The following ADI1 variants were observed in gnomAD, a reference collection of about 807,000 sequenced individuals.
The protein encoded by ADI1 is acireductone dioxygenase 1, also known as acireductone dioxygenase.
ADI1 carries 21 observed loss-of-function variants against 18.7 expected under a neutral mutation model. The ratio of observed to expected loss-of-function variants is 1.13; its 90% confidence interval spans 0.80 to 1.62. ADI1 has a LOEUF of 1.62. ADI1 is among the 40% of genes most tolerant of loss of function. The probability of loss-of-function intolerance (pLI) is 0.00; values close to 1 mark genes in which losing one functional copy is unlikely to be tolerated. For missense variants in ADI1, 245 were observed against 254.9 expected (o/e 0.96, Z 0.26); for synonymous variants, 90 against 100.1 (o/e 0.90, Z 0.60).
rs116539699 is a variant in ADI1 at position 3,504,592 on chromosome 2, G to A, written c.241-3599C>T. On this transcript the variant is annotated intron_variant, in intron 2 of 3. Transcript: ENST00000327435. ...TGACATAGAGAAAAGGAACTCACAC[G>A]ACAGATCTATTTTTGAACAATTTCC... Among the ~76,000 whole-genome samples the A allele has an allele frequency of 1.0e-3, 154 of 152,298 alleles. 1 individual carries two copies. The highest frequency in any genetic ancestry group is 3.5e-3 in the African/African-American group (147 of 41,550).
At chr2:3,500,757 G>T in intron 3 of ADI1, 57 bp downstream of exon 3, 1 of 1,609,704 alleles carries the variant, frequency 6.2e-7, no homozygotes, top group Middle Eastern at 1.7e-4. Context: ...CGGCAGAGAT[G>T]CCACGGCCAG....
chr2:3,500,667 C>A (rs1291267019), intron 3 of ADI1, 147 bp downstream of exon 3: 2 of 1,097,222 alleles, frequency 1.8e-6, no homozygotes, highest in African/African-American at 3.1e-5. Flanking sequence ...TGCGGCTCCA[C>A]AGACTCTCCT....
chr2:3,502,001 C>CCACACACA (rs70938947), intron 2 of ADI1, among the ~76,000 whole-genome samples: 25 of 105,042 alleles, frequency 2.4e-4, no homozygotes, highest in South Asian at 1.9e-3. Context: ...ACCTCCCGCT[C>CCACACACA]CACACACACA....
chr2:3,515,926 A>G (rs1194512817), intron 1 of ADI1: 1 of 985,334 alleles, frequency 1.0e-6, no homozygotes, highest in African/African-American at 1.7e-5. Flanking sequence ...AGTACTAGTC[A>G]TCAATACGTT....
intron 1 of ADI1, 45 bp downstream of exon 1, chr2:3,519,323 G>A: frequency 7.4e-7 from 1 of 1,348,274 alleles, no homozygotes; most frequent in South Asian, 1.8e-5. Context: ...CGGCGTTTGG[G>A]GGTCGGCGTC....
intron 3 of ADI1, among the ~76,000 whole-genome samples, chr2:3,499,614 C>G (rs1666948498): frequency 6.6e-6 from 1 of 152,106 alleles, no homozygotes; most frequent in South Asian, 2.1e-4. Flanking sequence ...TTATTACAGC[C>G]CTGTTCACAA....
At chr2:3,510,933 G>T (rs892150457) in intron 2 of ADI1, among the ~76,000 whole-genome samples, 1 of 152,248 alleles carries the variant, frequency 6.6e-6, no homozygotes, top group Non-Finnish European at 1.5e-5. Flanking sequence ...CATTTTATGA[G>T]ATCAGAATTA....
chr2:3,498,850 A>T lies in ADI1; in HGVS notation c.*113T>A, dbSNP rs1666923018. On this transcript the variant is annotated 3_prime_UTR_variant, in exon 4 of 4. Coordinates refer to ENST00000327435, the MANE Select transcript of ADI1 (RefSeq NM_018269.4). The stretch of plus-strand genomic sequence containing the variant: ...GATCAAATAATCTTACAAAGGAAAG[A>T]TAATCTAGCCTCAAGGCTATCCTCT... The T allele has an allele frequency of 6.9e-7, 1 of 1,444,776 alleles. No homozygotes were observed. Among genetic ancestry groups the T allele is most frequent in the Admixed American group, 2.3e-5 (1 of 43,594 alleles). 89.5% of individuals were successfully genotyped at this position (1,444,776 alleles called of 1,614,324 possible).
In ADI1 at chr2:3,503,501, A is replaced by G. The variant is rs962886494; in HGVS notation, c.241-2508T>C. Among the ~76,000 whole-genome samples the G allele has an allele frequency of 2.3e-5, 3 of 131,602 alleles. 1 individual carries two copies. Among genetic ancestry groups the G allele is most frequent in the South Asian group, 2.3e-4 (1 of 4,258 alleles). 86.3% of individuals were successfully genotyped at this position (131,602 alleles called of 152,430 possible). On this transcript the variant is annotated intron_variant, in intron 2 of 3. Transcript: ENST00000327435. ...TTCACACTCATGCACACGTACACAC[A>G]CACGCCTACATTCACACACTCACAT... is the stretch of plus-strand genomic sequence containing the variant.
chr2:3,500,752 G>A, intron 3 of ADI1, 62 bp downstream of exon 3: 1 of 1,608,616 alleles, frequency 6.2e-7, no homozygotes, highest in Non-Finnish European at 8.5e-7. Flanking sequence ...TTCAGCGGCA[G>A]AGATGCCACG....
rs530295992 is a variant in ADI1, at chr2:3,504,567, T to C, written c.241-3574A>G. Among the ~76,000 whole-genome samples, 15 of 152,358 alleles carry C rather than the reference T, an allele frequency of 9.8e-5. No homozygotes were observed. In the South Asian group the frequency reaches 3.1e-3, roughly 32 times the overall value. ...TGGACTCTAACCAGGAAGAATCATT[T>C]GACATAGAGAAAAGGAACTCACACG... On this transcript the variant is annotated intron_variant, in intron 2 of 3. Coordinates refer to ENST00000327435, the MANE Select transcript of ADI1 (RefSeq NM_018269.4).
In ADI1 at chr2:3,519,380, C is replaced by A; in HGVS notation, c.108G>T (p.Val36=). The A allele has an allele frequency of 7.0e-7, 1 of 1,428,702 alleles. No individual in the cohort carries two copies. The highest frequency in any genetic ancestry group is 9.1e-7 in the Non-Finnish European group (1 of 1,098,620). 88.5% of individuals were successfully genotyped at this position (1,428,702 alleles called of 1,614,324 possible). A position where few individuals can be genotyped will look rare whatever the true frequency, so the allele number is the denominator to read the frequency against. The part of the protein sequence containing the change: ...VGLEQLRRLG[V]LYWKLDADKY... ...TGGGCTCGCGTACCTTCCAGTAGAG[C>A]ACCCCGAGCCGCCGCAGCTGCTCCA... Residue 36 remains valine, a synonymous_variant, in exon 1 of 4, where the codon GTG becomes GTT. Coordinates refer to ENST00000327435, the MANE Select transcript of ADI1 (RefSeq NM_018269.4).
At position 3,519,436 on chromosome 2, in the gene ADI1, GGGGTTGCCGC is replaced by G. The variant is rs768174612; in HGVS notation, c.42_51del (p.Arg15ThrfsTer35). On this transcript the variant is annotated frameshift_variant, in exon 1 of 4. Coordinates refer to ENST00000327435, the MANE Select transcript of ADI1 (RefSeq NM_018269.4). LOFTEE classifies it high-confidence loss of function. ...ACTGGGCGGCCGGGGTCGGGGCGGTGGGGTTGCCGCGGGTCGCCCGGGGCGTCGTCCATAT... is the reference window on the plus strand; with the variant it reads ...ACTGGGCGGCCGGGGTCGGGGCGGTGGGGTCGCCCGGGGCGTCGTCCATAT... 3.7e-6 allele frequency: 5 copies of G among 1,369,114 alleles called. No individual in the cohort carries two copies. Among genetic ancestry groups the G allele is most frequent in the Non-Finnish European group, 4.7e-6 (5 of 1,067,950 alleles). 84.8% of individuals were successfully genotyped at this position (1,369,114 alleles called of 1,614,324 possible). A position where few individuals can be genotyped will look rare whatever the true frequency, so the allele number is the denominator to read the frequency against.
At position 3,497,818 on chromosome 2, in the gene ADI1, AG is replaced by A. The variant is rs1666900858; in HGVS notation, c.*1144del. On this transcript the variant is annotated 3_prime_UTR_variant, in exon 4 of 4. Transcript: ENST00000327435. ...AGGGAAAAGTTATATGAAGCAAGAAAGGCAATTTAAAGCGATAGTTTATCAT... is the reference window on the plus strand; with the variant it reads ...AGGGAAAAGTTATATGAAGCAAGAAAGCAATTTAAAGCGATAGTTTATCAT... 1 of 152,280 alleles carries A rather than the reference AG, an allele frequency of 6.6e-6. No homozygotes were observed. The highest frequency in any genetic ancestry group is 1.5e-5 in the Non-Finnish European group (1 of 68,050). The allele number at this position is 152,280 out of a possible 1,614,324, so 9.4% of individuals were successfully genotyped here.
intron 1 of ADI1, chr2:3,514,914 C>G: frequency 6.5e-7 from 1 of 1,530,514 alleles, no homozygotes; most frequent in South Asian, 1.2e-5. Flanking sequence ...GGACATCTAT[C>G]AGTTCTCAAA....
rs1250579316 is a variant in ADI1, at chr2:3,502,517, A to G, written c.241-1524T>C. ...GCCCAGGCTGGAGTGCAATGGCGCGATCTCGGCTCACTTCAACCTCCGCCT... is the reference window on the plus strand; with the variant it reads ...GCCCAGGCTGGAGTGCAATGGCGCGGTCTCGGCTCACTTCAACCTCCGCCT... On this transcript the variant is annotated intron_variant, in intron 2 of 3. Coordinates refer to ENST00000327435, the MANE Select transcript of ADI1 (RefSeq NM_018269.4). Among the ~76,000 whole-genome samples, 3 of 143,150 alleles carry G rather than the reference A, an allele frequency of 2.1e-5. No homozygotes were observed. In the South Asian group the frequency reaches 6.6e-4, roughly 31 times the overall value. 93.9% of individuals were successfully genotyped at this position (143,150 alleles called of 152,430 possible).
At chr2:3,508,671 G>A (rs990265072) in intron 2 of ADI1, among the ~76,000 whole-genome samples, 6 of 152,080 alleles carry the variant, frequency 3.9e-5, no homozygotes. Context: ...GGAGGCCAAG[G>A]CAAGAAGATC....
At chr2:3,512,342 G>A (rs1444711395) in intron 2 of ADI1, among the ~76,000 whole-genome samples, 1 of 152,242 alleles carries the variant, frequency 6.6e-6, no homozygotes, top group Admixed American at 6.5e-5. Flanking sequence ...AAAAACCTCA[G>A]AGGCATTTCA....
intron 2 of ADI1, among the ~76,000 whole-genome samples, chr2:3,506,058 GCTGA>G (rs1667169460): frequency 6.6e-6 from 1 of 152,190 alleles, no homozygotes; most frequent in African/African-American, 2.4e-5. Flanking sequence ...GGAAGCCTGA[GCTGA>G]CTAAGACAGG....
Sources: allele counts gnomAD v4.1 joint callset (sites outside exome capture counted in the v4.1 genomes callset), GRCh38; gene constraint gnomAD v4.1.1; transcripts MANE v1.5; gene names NCBI Gene and HGNC (gene_info 2026-07-23, HGNC 2026-07-21).